Variants in TMCO1 observed in about 807,000 individuals in gnomAD.
TMCO1 encodes the protein transmembrane and coiled-coil domains 1.
A neutral mutation model predicts 29.3 loss-of-function variants in TMCO1; 29 were observed. The observed-to-expected ratio is 0.99, with a 90% confidence interval of 0.74 to 1.35. The LOEUF (loss-of-function observed/expected upper bound fraction) is 1.35. Ranked by LOEUF, TMCO1 falls within the 40% of genes most tolerant of loss-of-function variation. The pLI, the probability that TMCO1 is intolerant of heterozygous loss-of-function variation, is 0.00. For missense variants in TMCO1, 173 were observed against 225.5 expected (o/e 0.77, Z 1.49); for synonymous variants, 80 against 77.1 (o/e 1.04, Z -0.20).
chr1:165,760,420 G>C (rs937596390), intron 2 of TMCO1, among the ~76,000 whole-genome samples: 1 of 127,348 alleles, frequency 7.9e-6, no homozygotes, highest in Non-Finnish European at 1.6e-5. Flanking sequence ...AATAGAGCGA[G>C]ACTCTGTTTC....
intron 2 of TMCO1, among the ~76,000 whole-genome samples, chr1:165,765,433 G>A (rs1652534596): frequency 6.6e-6 from 1 of 152,172 alleles, no homozygotes. Flanking sequence ...ACAGGCATGT[G>A]CCACCACGCC....
At chr1:165,745,562 A>C (rs1164906450) in intron 5 of TMCO1, among the ~76,000 whole-genome samples, 1 of 151,170 alleles carries the variant, frequency 6.6e-6, no homozygotes, top group Non-Finnish European at 1.5e-5. Context: ...TAGGGGGATC[A>C]CTTGAGCCCA....
intron 5 of TMCO1, among the ~76,000 whole-genome samples, chr1:165,751,068 C>T (rs919187826): frequency 1.3e-5 from 2 of 151,964 alleles, no homozygotes; most frequent in South Asian, 2.1e-4. Flanking sequence ...GACTCTGTCC[C>T]GAACAACAAC....
intron 3 of TMCO1, among the ~76,000 whole-genome samples, chr1:165,757,990 T>C (rs934216842): frequency 6.6e-6 from 1 of 152,202 alleles, no homozygotes; most frequent in Non-Finnish European, 1.5e-5. Context: ...GTTGTCCATG[T>C]TGAATGTCTT....
intron 6 of TMCO1, among the ~76,000 whole-genome samples, chr1:165,730,137 C>T (rs540053184): frequency 2.7e-4 from 36 of 134,488 alleles, no homozygotes; most frequent in Admixed American, 3.3e-4. Flanking sequence ...CTGGCTAACA[C>T]GGTGAAACCC....
At chr1:165,754,865 GCCCC>G (rs949336936) in intron 3 of TMCO1, 12 of 153,450 alleles carry the variant, frequency 7.8e-5, no homozygotes, top group African/African-American at 2.7e-4. Context: ...GTGATGGTGT[GCCCC>G]TGTAGTCCCA....
chr1:165,730,350 CAAAACAAAAAA>C lies in TMCO1; in HGVS notation c.469-2240_469-2230del, dbSNP rs1651103959. On this transcript the variant is annotated intron_variant, in intron 6 of 6. Transcript: ENST00000367881. ...ACTCCGTCTCAAAACAAAAACAAAACAAAACAAAAAAAAAAAAAGAATGTGTATTGAGGTAA... is the reference window on the plus strand; with the variant it reads ...ACTCCGTCTCAAAACAAAAACAAAACAAAAAAAGAATGTGTATTGAGGTAA... Among the ~76,000 whole-genome samples the C allele has an allele frequency of 9.0e-5, 3 of 33,358 alleles. No individual in the cohort carries two copies. The South Asian group carries it at 5.6e-3, about 63-fold the overall frequency. 21.9% of individuals were successfully genotyped at this position (33,358 alleles called of 152,430 possible).
chr1:165,734,270 A>T (rs1206433816), intron 6 of TMCO1, among the ~76,000 whole-genome samples: 1 of 151,794 alleles, frequency 6.6e-6, no homozygotes, highest in African/African-American at 2.4e-5. Context: ...TACTAAAAAA[A>T]CCTTATCGTA....
chr1:165,768,647 G>C (rs1432750446), intron 1 of TMCO1, 35 bp downstream of exon 1: 12 of 1,613,990 alleles, frequency 7.4e-6, no homozygotes, highest in Non-Finnish European at 1.0e-5. Context: ...TCCTCCCGGG[G>C]ACTGATCAAA....
chr1:165,734,602 G>C (rs895548421), intron 6 of TMCO1, among the ~76,000 whole-genome samples: 3 of 152,072 alleles, frequency 2.0e-5, no homozygotes, highest in African/African-American at 7.2e-5. Context: ...CACCTCCTGA[G>C]TTCAAGCAAT....
chr1:165,765,628 TG>T (rs774210008), intron 2 of TMCO1, among the ~76,000 whole-genome samples: 5 of 152,166 alleles, frequency 3.3e-5, no homozygotes, highest in Non-Finnish European at 7.3e-5. Context: ...GAGGTGATGT[TG>T]GAACAAAGAT....
chr1:165,732,786 T>C (rs1302796348), intron 6 of TMCO1, among the ~76,000 whole-genome samples: 1 of 152,128 alleles, frequency 6.6e-6, no homozygotes, highest in Non-Finnish European at 1.5e-5. Context: ...AAAAATAAGG[T>C]CTATAAAAGG....
chr1:165,758,184 G>C (rs1652266412), intron 3 of TMCO1, among the ~76,000 whole-genome samples: 1 of 152,020 alleles, frequency 6.6e-6, no homozygotes, highest in African/African-American at 2.4e-5. Flanking sequence ...CTCAACTTCT[G>C]TGACACTACT....
intron 5 of TMCO1, among the ~76,000 whole-genome samples, chr1:165,745,998 A>G (rs1279746370): frequency 3.9e-5 from 6 of 152,114 alleles, no homozygotes; most frequent in Non-Finnish European, 1.5e-5. Context: ...ACAAAAAAAG[A>G]AGGCCAGGAG....
At chr1:165,754,382 A>G in intron 3 of TMCO1, 108 bp from the exon 4 acceptor site, 1 of 845,216 alleles carries the variant, frequency 1.2e-6, no homozygotes, top group Non-Finnish European at 2.0e-6. Flanking sequence ...TCTCAATATC[A>G]TTTAATAAGA....
intron 2 of TMCO1, among the ~76,000 whole-genome samples, chr1:165,761,185 G>C (rs1402391336): frequency 6.6e-6 from 1 of 152,048 alleles, no homozygotes; most frequent in African/African-American, 2.4e-5. Flanking sequence ...GTGTGTGTGT[G>C]TGTGTGTGTT....
In TMCO1 at chr1:165,752,182, G is replaced by T. The variant is rs560911902; in HGVS notation, c.256-13C>A. On this transcript the variant is annotated splice_polypyrimidine_tract_variant and intron_variant, in intron 4 of 6. Transcript: ENST00000367881. Reference sequence around the variant, plus strand: ...ATTTCATTCGAACCTGTAATGAGACGAACAAATTGTCATTTTACACTAAAA... The same window carrying T: ...ATTTCATTCGAACCTGTAATGAGACTAACAAATTGTCATTTTACACTAAAA... 1 of 1,602,924 alleles carries T rather than the reference G, an allele frequency of 6.2e-7. No homozygotes were observed. Among genetic ancestry groups the T allele is most frequent in the Admixed American group, 1.7e-5 (1 of 59,576 alleles).
At chr1:165,752,247 A>G in intron 4 of TMCO1, 78 bp from the exon 5 acceptor site, 2 of 1,019,696 alleles carry the variant, frequency 2.0e-6, no homozygotes, top group Non-Finnish European at 2.9e-6. Flanking sequence ...TTTTGGTTTC[A>G]TGTCATTTTT....
At chr1:165,759,836 T>C (rs1272035305) in intron 2 of TMCO1, among the ~76,000 whole-genome samples, 2 of 152,216 alleles carry the variant, frequency 1.3e-5, no homozygotes, top group Non-Finnish European at 2.9e-5. Flanking sequence ...ATTGATATAA[T>C]CATAATGAAA....
Sources: allele counts gnomAD v4.1 joint callset (sites outside exome capture counted in the v4.1 genomes callset), GRCh38; gene constraint gnomAD v4.1.1; transcripts MANE v1.5; gene names NCBI Gene and HGNC (gene_info 2026-07-23, HGNC 2026-07-21).